TEX9: variants seen among roughly 807,000 people sequenced by gnomAD.
TEX9 encodes the protein testis-expressed protein 9.
Under a neutral mutation model 59.6 loss-of-function variants are expected in TEX9, and 74 were observed. The ratio of observed to expected loss-of-function variants is 1.24; its 90% CI spans 1.03 to 1.51. The LOEUF is 1.51. TEX9 is among the 40% of genes most tolerant of loss of function. The pLI is 0.00. For missense variants in TEX9, 522 were observed against 447.8 expected, an observed-to-expected ratio of 1.17 and a Z score of -1.49; for synonymous variants, 186 against 152.2, an observed-to-expected ratio of 1.22 and a Z score of -1.64.
chr15:56,259,965 C>A (rs1173556561), intron 1 of TEX9, among the ~76,000 whole-genome samples: 4 of 151,906 alleles, frequency 2.6e-5, no homozygotes, highest in Non-Finnish European at 4.4e-5. Flanking sequence ...TCTTACATGT[C>A]TTTTATAAAA....
chr15:56,292,280 T>G (rs1169497566), intron 1 of TEX9, among the ~76,000 whole-genome samples: 1 of 152,294 alleles, frequency 6.6e-6, no homozygotes. Context: ...AAGCTATAGC[T>G]GCTTCCTGGT....
At chr15:56,325,209 C>T (rs983517330) in intron 1 of TEX9, among the ~76,000 whole-genome samples, 45 of 152,164 alleles carry the variant, frequency 3.0e-4, no homozygotes, top group South Asian at 4.2e-4. Flanking sequence ...TCATATAGTC[C>T]GCTTATTTAT....
intron 1 of TEX9, among the ~76,000 whole-genome samples, chr15:56,261,272 A>G (rs1339940494): frequency 6.6e-6 from 1 of 151,774 alleles, no homozygotes; most frequent in African/African-American, 2.4e-5. Context: ...TTCTTTTTCT[A>G]ACTTCTTGAG....
intron 1 of TEX9, among the ~76,000 whole-genome samples, chr15:56,265,707 A>C (rs1193140542): frequency 1.3e-5 from 2 of 152,100 alleles, no homozygotes; most frequent in South Asian, 2.1e-4. Context: ...GTTATACTTC[A>C]TATGATTTTT....
upstream of TEX9, among the ~76,000 whole-genome samples, chr15:56,360,613 A>T (rs72740592): frequency 0.07 from 10,594 of 152,090 alleles, 463 homozygotes; most frequent in Non-Finnish European, 0.1. Flanking sequence ...GTATATTATG[A>T]TGTTTAGACA....
intron 1 of TEX9, among the ~76,000 whole-genome samples, chr15:56,311,922 T>G (rs2045629308): frequency 6.7e-6 from 1 of 148,522 alleles, no homozygotes. Flanking sequence ...TCATGTGTTT[T>G]TTGGCTGCAT....
chr15:56,445,929 T>A (rs1340019588), downstream of TEX9: 1 of 152,056 alleles, frequency 6.6e-6, no homozygotes, highest in Non-Finnish European at 1.5e-5. Flanking sequence ...GCTATATGGC[T>A]TAGCAAATGA....
At chr15:56,456,572 TC>T in the TEX9 span, 1 of 1,578,958 alleles carries the variant, frequency 6.3e-7, no homozygotes, top group Non-Finnish European at 8.6e-7. Flanking sequence ...CAGATTTTTT[TC>T]ATCAAGGTTG....
intron 1 of TEX9, among the ~76,000 whole-genome samples, chr15:56,354,836 G>T (rs1211752273): frequency 6.6e-6 from 1 of 152,164 alleles, no homozygotes; most frequent in African/African-American, 2.4e-5. Flanking sequence ...TGATGATACA[G>T]AAGACAGTAC....
chr15:56,267,437 C>T (rs939713246), intron 1 of TEX9, among the ~76,000 whole-genome samples: 2 of 152,188 alleles, frequency 1.3e-5, no homozygotes, highest in African/African-American at 2.4e-5. Context: ...CCTAGGTTTT[C>T]TTCTAGGGAT....
chr15:56,352,250 G>A (rs79913090), intron 1 of TEX9, among the ~76,000 whole-genome samples: 6 of 150,080 alleles, frequency 4.0e-5, no homozygotes, highest in Non-Finnish European at 6.0e-5. Context: ...GTTAATTGCC[G>A]TCTTCTTTTT....
chr15:56,288,272 T>A (rs2045000351), intron 1 of TEX9, among the ~76,000 whole-genome samples: 1 of 141,744 alleles, frequency 7.1e-6, no homozygotes. Flanking sequence ...TCTTTGGTGA[T>A]TTTTTTTTTA....
intron 1 of TEX9, among the ~76,000 whole-genome samples, chr15:56,346,364 C>G (rs2046470335): frequency 6.6e-6 from 1 of 152,150 alleles, no homozygotes; most frequent in Non-Finnish European, 1.5e-5. Flanking sequence ...AGATGGGTGT[C>G]TGGCTCTTAC....
At chr15:56,265,765 C>G (rs1390678897) in intron 1 of TEX9, among the ~76,000 whole-genome samples, 1 of 151,910 alleles carries the variant, frequency 6.6e-6, no homozygotes, top group Non-Finnish European at 1.5e-5. Context: ...AGAATATCGT[C>G]TATCTTGGTG....
chr15:56,384,007 A>G, exon 4 of TEX9: 1 of 1,612,822 alleles, frequency 6.2e-7, no homozygotes, highest in African/African-American at 1.3e-5. Flanking sequence ...AAATCATGTG[A>G]TGACGAAGAT....
intron 1 of TEX9, among the ~76,000 whole-genome samples, chr15:56,249,550 G>C (rs759256786): frequency 6.6e-6 from 1 of 151,600 alleles, no homozygotes; most frequent in African/African-American, 2.4e-5. Flanking sequence ...CCAGCCTGGC[G>C]AAGATGGTGA....
chr15:56,363,849 C>T (rs2046839386), upstream of TEX9, among the ~76,000 whole-genome samples: 1 of 141,166 alleles, frequency 7.1e-6, no homozygotes, highest in Non-Finnish European at 1.5e-5. Flanking sequence ...TTATCTATTT[C>T]CTTTTTTTTT....
intron 6 of TEX9, among the ~76,000 whole-genome samples, chr15:56,390,096 T>TA (rs1567116634): frequency 6.6e-6 from 1 of 151,616 alleles, no homozygotes; most frequent in Admixed American, 6.6e-5. Flanking sequence ...TTTTTTTTAA[T>TA]AAAAGGGATG....
chr15:56,373,482 T>C, exon 3 of TEX9: 1 of 1,575,938 alleles, frequency 6.3e-7, no homozygotes, highest in Non-Finnish European at 8.6e-7. Context: ...GCTGACGTGG[T>C]TCAACAAGCT....
Sources: allele counts gnomAD v4.1 joint callset (sites outside exome capture counted in the v4.1 genomes callset), GRCh38; gene constraint gnomAD v4.1.1; transcripts MANE v1.5; gene names NCBI Gene and HGNC (gene_info 2026-07-23, HGNC 2026-07-21).